Variants in CPQ observed in about 807,000 individuals in gnomAD.
The protein encoded by CPQ is carboxypeptidase Q, also known as Ser-Met dipeptidase.
CPQ carries 37 observed loss-of-function variants against 45.7 expected under a neutral mutation model. That is an observed-to-expected ratio of 0.81 (90% CI 0.62 to 1.07). CPQ has a LOEUF of 1.07. CPQ is among the 50% of genes least tolerant of loss of function. The pLI is 0.00. For missense variants in CPQ, 537 were observed against 572.9 expected, an observed-to-expected ratio of 0.94 and a Z score of 0.64; for synonymous variants, 186 against 205.8, an observed-to-expected ratio of 0.90 and a Z score of 0.82.
intron 1 of CPQ, among the ~76,000 whole-genome samples, chr8:96,668,375 T>C (rs949389777): frequency 8.5e-5 from 13 of 152,310 alleles, no homozygotes; most frequent in African/African-American, 2.6e-4. Flanking sequence ...CTTTATTACA[T>C]GACCAAGGAT....
chr8:96,715,910 C>T (rs546400888), intron 1 of CPQ, among the ~76,000 whole-genome samples: 1 of 152,356 alleles, frequency 6.6e-6, no homozygotes, highest in East Asian at 1.9e-4. Context: ...TGCAAGGGTT[C>T]CAGTGATGTG....
In CPQ at chr8:96,740,385, A is replaced by G. The variant is rs1277412344; in HGVS notation, c.-34-44479A>G. On this transcript the variant is annotated intron_variant, in intron 1 of 7. Transcript: ENST00000220763. ...GGGCTGAGAAGATGGGGTTTTCTAG[A>G]TATACAATCATGTCATCTGCAAACA... Among the ~76,000 whole-genome samples, 4 of 152,178 alleles carry G rather than the reference A, an allele frequency of 2.6e-5. No homozygotes were observed. The East Asian group carries it at 5.8e-4, about 22-fold the overall frequency.
chr8:97,098,739 C>T (rs1278272335), intron 7 of CPQ, among the ~76,000 whole-genome samples: 3 of 152,050 alleles, frequency 2.0e-5, no homozygotes, highest in Non-Finnish European at 4.4e-5. Flanking sequence ...AGTCTGTTCT[C>T]CAGTATTGAG....
intron 3 of CPQ, among the ~76,000 whole-genome samples, chr8:96,851,582 TTG>T (rs545932096): frequency 1.2e-4 from 19 of 152,178 alleles, no homozygotes; most frequent in Non-Finnish European, 1.9e-4. Flanking sequence ...AACCAAATCT[TTG>T]TGTGAAACCT....
At chr8:96,730,010 G>C (rs139039765) in intron 1 of CPQ, among the ~76,000 whole-genome samples, 1 of 152,282 alleles carries the variant, frequency 6.6e-6, no homozygotes, top group East Asian at 1.9e-4. Flanking sequence ...CTGGAGATTG[G>C]CAGTGGCCAG....
chr8:96,915,082 C>G (rs1195392600), intron 4 of CPQ, among the ~76,000 whole-genome samples: 1 of 152,114 alleles, frequency 6.6e-6, no homozygotes, highest in Admixed American at 6.6e-5. Context: ...GACTGGAAAG[C>G]TTTTTGTTTA....
chr8:96,687,870 GT>G (rs879912239), intron 1 of CPQ, among the ~76,000 whole-genome samples: 8 of 151,266 alleles, frequency 5.3e-5, no homozygotes, highest in East Asian at 1.9e-4. Context: ...AACTGTCAAA[GT>G]TTTTTTTTGT....
chr8:97,114,144 C>T (rs928578324), intron 7 of CPQ, among the ~76,000 whole-genome samples: 1 of 152,126 alleles, frequency 6.6e-6, no homozygotes, highest in East Asian at 1.9e-4. Flanking sequence ...TGAAGAGGCC[C>T]CATACTGTTT....
At chr8:96,752,835 T>A (rs1810279628) in intron 1 of CPQ, among the ~76,000 whole-genome samples, 1 of 152,052 alleles carries the variant, frequency 6.6e-6, no homozygotes, top group Non-Finnish European at 1.5e-5. Context: ...TTGTGCCCCT[T>A]CCTGTGTCTG....
intron 4 of CPQ, among the ~76,000 whole-genome samples, chr8:96,903,224 G>A (rs930360763): frequency 6.6e-6 from 1 of 152,144 alleles, no homozygotes; most frequent in African/African-American, 2.4e-5. Flanking sequence ...TGTACCCTGG[G>A]TTTACCCCTT....
chr8:97,020,000 C>G (rs1049736506), intron 5 of CPQ, among the ~76,000 whole-genome samples: 3 of 151,986 alleles, frequency 2.0e-5, no homozygotes, highest in African/African-American at 7.2e-5. Context: ...TTGATAAATT[C>G]AAGAAAATTG....
At chr8:96,913,940 G>T (rs530548268) in intron 4 of CPQ, among the ~76,000 whole-genome samples, 1 of 152,226 alleles carries the variant, frequency 6.6e-6, no homozygotes, top group South Asian at 2.1e-4. Flanking sequence ...GGCTTTTAAA[G>T]AAAGTAATTC....
intron 1 of CPQ, among the ~76,000 whole-genome samples, chr8:96,685,384 G>C (rs181913571): frequency 1.3e-5 from 2 of 151,684 alleles, no homozygotes; most frequent in African/African-American, 2.4e-5. Context: ...TCTTTAATCT[G>C]TCTCAGATTT....
chr8:96,866,616 T>A (rs981130367), intron 3 of CPQ, among the ~76,000 whole-genome samples: 1 of 152,084 alleles, frequency 6.6e-6, no homozygotes, highest in Non-Finnish European at 1.5e-5. Flanking sequence ...AGTTTCCCTT[T>A]GATTACAGTT....
intron 5 of CPQ, among the ~76,000 whole-genome samples, chr8:96,970,514 C>G (rs1586473164): frequency 6.6e-6 from 1 of 151,538 alleles, no homozygotes; most frequent in East Asian, 1.9e-4. Context: ...AGATCACCAG[C>G]TATTATGTGA....
intron 1 of CPQ, among the ~76,000 whole-genome samples, chr8:96,666,056 T>C (rs1387974593): frequency 6.7e-6 from 1 of 150,198 alleles, no homozygotes; most frequent in Non-Finnish European, 1.5e-5. Context: ...AGAGCCTTTA[T>C]TGTGGGGTTT....
At chr8:96,716,878 G>A (rs576178589) in intron 1 of CPQ, among the ~76,000 whole-genome samples, 3 of 151,342 alleles carry the variant, frequency 2.0e-5, no homozygotes, top group African/African-American at 7.3e-5. Flanking sequence ...TTGTAGTCCA[G>A]CCTGGGCAAA....
chr8:96,850,362 C>CA (rs1213839941), intron 3 of CPQ, among the ~76,000 whole-genome samples: 1 of 152,062 alleles, frequency 6.6e-6, no homozygotes, highest in Non-Finnish European at 1.5e-5. Context: ...GCAAGGCTGA[C>CA]AAAATGTCAT....
At chr8:97,035,078 A>G (rs967451836) in intron 6 of CPQ, among the ~76,000 whole-genome samples, 9 of 152,006 alleles carry the variant, frequency 5.9e-5, no homozygotes, top group African/African-American at 2.2e-4. Context: ...TTTTTAGTAG[A>G]GACAGGGTTT....
Sources: allele counts gnomAD v4.1 joint callset (sites outside exome capture counted in the v4.1 genomes callset), GRCh38; gene constraint gnomAD v4.1.1; transcripts MANE v1.5; gene names NCBI Gene and HGNC (gene_info 2026-07-23, HGNC 2026-07-21).